GSDME: variants seen among roughly 807,000 people sequenced by gnomAD.
The protein encoded by GSDME is gasdermin E, also known as gasdermin-E.
Under a neutral mutation model 47.5 loss-of-function variants are expected in GSDME, and 44 were observed. The observed-to-expected ratio is 0.93, with a 90% CI of 0.73 to 1.19. The LOEUF is 1.19. Among genes scored for constraint, GSDME ranks in the 50% most tolerant of loss-of-function variants. The pLI is 0.00. For synonymous variants in GSDME, 258 were observed against 252.8 expected (o/e 1.02, Z -0.20); for missense variants, 663 against 604.2 (o/e 1.10, Z -1.02).
rs906320714 is a variant in GSDME, at chr7:24,712,229, G to A, written c.698-1841C>T. Among the ~76,000 whole-genome samples the A allele has an allele frequency of 2.6e-5, 4 of 152,198 alleles. No individual in the cohort carries two copies. The highest frequency in any genetic ancestry group is 1.9e-4 in the East Asian group (1 of 5,194). ...CTGACCCTACTCCTCCACACTTTGCGCTTAGCCACAGGGGTGCAGGAGTGT... is the reference window on the plus strand; with the variant it reads ...CTGACCCTACTCCTCCACACTTTGCACTTAGCCACAGGGGTGCAGGAGTGT... On this transcript the variant is annotated intron_variant, in intron 5 of 9. Transcript: ENST00000645220. This position sits in a 1 kb window ranked among gnomAD's most constrained non-coding sequence, Gnocchi z 4.4.
intron 4 of GSDME, 149 bp from the exon 5 acceptor site, chr7:24,717,523 G>T: frequency 7.9e-7 from 1 of 1,262,930 alleles, no homozygotes; most frequent in Non-Finnish European, 1.1e-6. Context: ...GCCAGCATGG[G>T]GGATGGGGGG....
At chr7:24,699,592 G>A (rs1042262749) in intron 9 of GSDME, among the ~76,000 whole-genome samples, 30 of 152,078 alleles carry the variant, frequency 2.0e-4, no homozygotes, top group African/African-American at 6.0e-4. Flanking sequence ...TGCCCACCTC[G>A]GCCTCCCAAA....
the GSDME span, among the ~76,000 whole-genome samples, chr7:24,764,467 G>C: frequency 1.3e-5 from 2 of 152,128 alleles, no homozygotes; most frequent in East Asian, 3.8e-4. The surrounding 1 kb of genome is among the most constrained non-coding windows in gnomAD (Gnocchi z 4.4). Context: ...CTCCATCTCT[G>C]TAAGGAGTCT....
intron 1 of GSDME, among the ~76,000 whole-genome samples, chr7:24,753,409 C>G (rs1790917764): frequency 6.6e-6 from 1 of 152,130 alleles, no homozygotes; most frequent in Admixed American, 6.5e-5. Context: ...TTTACTTGTC[C>G]CATGTTGCTG....
At position 24,754,768 on chromosome 7, in the gene GSDME, G is replaced by A. The variant is rs1053414962; in HGVS notation, c.-20+2628C>T. 6.6e-6 allele frequency among the ~76,000 whole-genome samples: 1 copy of A among 152,212 alleles called. No homozygotes were observed. The highest frequency in any genetic ancestry group is 2.4e-5 in the African/African-American group (1 of 41,450). On this transcript the variant is annotated intron_variant, in intron 1 of 9. Coordinates refer to ENST00000645220, the MANE Select transcript of GSDME (RefSeq NM_001127453.2). The surrounding 1 kb of genome is among the most constrained non-coding windows in gnomAD (Gnocchi z 5.0). ...AAGATAACTATATTCACTACTGCCT[G>A]TTAAGACTGATTCAGTCATGGAGTT...
At chr7:24,778,394 C>T in the GSDME span, among the ~76,000 whole-genome samples, 1 of 152,056 alleles carries the variant, frequency 6.6e-6, no homozygotes, top group East Asian at 1.9e-4. The surrounding 1 kb of genome is among the most constrained non-coding windows in gnomAD (Gnocchi z 5.6). Flanking sequence ...ATCTTTAGAC[C>T]AAATGTATTT....
At chr7:24,758,366 C>T (rs1366923789), upstream of GSDME, among the ~76,000 whole-genome samples, 1 of 152,236 alleles carries the variant, frequency 6.6e-6, no homozygotes, top group Non-Finnish European at 1.5e-5. This position sits in a 1 kb window ranked among gnomAD's most constrained non-coding sequence, Gnocchi z 4.6. Context: ...TGCCTCTTGT[C>T]TCCTTGCCAG....
chr7:24,713,504 G>T (rs1789435299), intron 5 of GSDME, among the ~76,000 whole-genome samples: 1 of 152,226 alleles, frequency 6.6e-6, no homozygotes, highest in South Asian at 2.1e-4. Flanking sequence ...CCATCTGATG[G>T]TTGGGCAGGA....
the GSDME span, among the ~76,000 whole-genome samples, chr7:24,783,469 C>A: frequency 1.8e-4 from 27 of 152,246 alleles, no homozygotes; most frequent in African/African-American, 6.3e-4. Flanking sequence ...CTGAGGACAC[C>A]GAGGCTCAGA....
At chr7:24,788,928 C>T in the GSDME span, among the ~76,000 whole-genome samples, 1 of 152,248 alleles carries the variant, frequency 6.6e-6, no homozygotes, top group Non-Finnish European at 1.5e-5. The surrounding 1 kb of genome is among the most constrained non-coding windows in gnomAD (Gnocchi z 4.6). Context: ...TGTTCATATG[C>T]AAATTCCACT....
the GSDME span, among the ~76,000 whole-genome samples, chr7:24,782,174 G>A: frequency 2.0e-5 from 3 of 151,774 alleles, no homozygotes; most frequent in African/African-American, 2.4e-5. Flanking sequence ...CCATTAACTC[G>A]TCATTTACGT....
At chr7:24,711,576 T>C (rs1316086771) in intron 5 of GSDME, among the ~76,000 whole-genome samples, 1 of 152,012 alleles carries the variant, frequency 6.6e-6, no homozygotes, top group Non-Finnish European at 1.5e-5. Flanking sequence ...ATGCCAACAC[T>C]TCGGGAGGCT....
Position 24,712,656 on chromosome 7 carries a change from G to A in GSDME, c.698-2268C>T, listed in dbSNP as rs1198543190. ...GAGGCCAGAGTGACCAGCGGGTGGA[G>A]GGGAGGAAAAACATCTTTCCTTCTG... On this transcript the variant is annotated intron_variant, in intron 5 of 9. Coordinates refer to ENST00000645220, the MANE Select transcript of GSDME (RefSeq NM_001127453.2). This position sits in a 1 kb window ranked among gnomAD's most constrained non-coding sequence, Gnocchi z 4.4. 6.6e-6 allele frequency among the ~76,000 whole-genome samples: 1 copy of A among 152,184 alleles called. No individual in the cohort carries two copies. The highest frequency in any genetic ancestry group is 1.5e-5 in the Non-Finnish European group (1 of 68,030).
Position 24,744,525 on chromosome 7 carries a change from T to C in GSDME, c.404+37A>G. The C allele has an allele frequency of 6.2e-7, 1 of 1,609,138 alleles. No individual in the cohort carries two copies. The highest frequency in any genetic ancestry group is 8.5e-7 in the Non-Finnish European group (1 of 1,175,704). ...AACTGAATGACCTTTAAATGTGAGA[T>C]GTGTCAAAATCCAAAATGCCAAACA... On this transcript the variant is annotated intron_variant, in intron 3 of 9. Transcript: ENST00000645220. This position sits in a 1 kb window ranked among gnomAD's most constrained non-coding sequence, Gnocchi z 4.5.
At chr7:24,755,318 A>T (rs971664544) in intron 1 of GSDME, among the ~76,000 whole-genome samples, 2 of 152,210 alleles carry the variant, frequency 1.3e-5, no homozygotes, top group African/African-American at 2.4e-5. Context: ...CCTTCCAATC[A>T]TTAGCAGTCC....
Position 24,744,653 on chromosome 7 carries a change from C to A in GSDME, c.313G>T (p.Gly105Cys), listed in dbSNP as rs1008100194. 1.2e-6 allele frequency: 2 copies of A among 1,614,180 alleles called. No individual in the cohort carries two copies. Among genetic ancestry groups the A allele is most frequent in the Non-Finnish European group, 1.7e-6 (2 of 1,180,044 alleles). Reference protein sequence around the residue: ...ALGKVKLNLGGSSRVESQSSF... With the variant: ...ALGKVKLNLGCSSRVESQSSF... ...GACTGGCTCTCTACGCGGCTGCTGC[C>A]CCCCAGGTTCAGCTTGACCTTCCCC... Residue 105 changes from glycine (G) to cysteine (C), a missense_variant, in exon 3 of 10, where the codon GGC becomes TGC. Transcript: ENST00000645220. This position sits in a 1 kb window ranked among gnomAD's most constrained non-coding sequence, Gnocchi z 4.5.
At chr7:24,700,119 G>A (rs187168849) in intron 9 of GSDME, among the ~76,000 whole-genome samples, 1 of 152,146 alleles carries the variant, frequency 6.6e-6, no homozygotes, top group African/African-American at 2.4e-5. Context: ...ACTCCATTAT[G>A]TTGTATCCAT....
intron 3 of GSDME, 82 bp from the exon 4 acceptor site, chr7:24,719,300 A>T: frequency 1.4e-6 from 2 of 1,444,988 alleles, no homozygotes; most frequent in Non-Finnish European, 1.9e-6. Context: ...CACAGCAGGC[A>T]GCTGAGGAGT....
rs1790960459 is a variant in GSDME at position 24,754,641 on chromosome 7, G to C, written c.-20+2755C>G. Among the ~76,000 whole-genome samples the C allele has an allele frequency of 6.6e-6, 1 of 152,202 alleles. No homozygotes were observed. Among genetic ancestry groups the C allele is most frequent in the Admixed American group, 6.5e-5 (1 of 15,284 alleles). On this transcript the variant is annotated intron_variant, in intron 1 of 9. Coordinates refer to ENST00000645220, the MANE Select transcript of GSDME (RefSeq NM_001127453.2). This position sits in a 1 kb window ranked among gnomAD's most constrained non-coding sequence, Gnocchi z 5.0. ...AGAGACCTTGTGGGGCAGACACCAA[G>C]AAAGCAGGACAATGACACAAAGTTA...
Sources: gnomAD v4.1 joint callset for allele counts (sites outside exome capture counted in the v4.1 genomes callset) on GRCh38, gnomAD v4.1.1 for gene constraint, Gnocchi (gnomAD v3.1) non-coding constraint, MANE v1.5 for transcripts, NCBI Gene and HGNC (gene_info 2026-07-23, HGNC 2026-07-21) for gene names.